Variants in PHF21A observed in about 807,000 individuals in gnomAD.
PHF21A encodes PHD finger protein 21A.
Under a neutral mutation model 82.5 loss-of-function variants are expected in PHF21A, and 11 were observed. The observed-to-expected ratio is 0.13, with a 90% CI of 0.08 to 0.22. The LOEUF (loss-of-function observed/expected upper bound fraction) is 0.22, where lower values mean the gene tolerates loss of function less well. Ranked by LOEUF, PHF21A falls within the 10% of genes least tolerant of loss-of-function variation. PHF21A has a pLI of 1.00. For synonymous variants in PHF21A, 297 were observed against 302.8 expected, an observed-to-expected ratio of 0.98 and a Z score of 0.20; for missense variants, 579 against 837.8, an observed-to-expected ratio of 0.69 and a Z score of 3.81.
chr11:46,048,927 A>G (rs2096300213), intron 6 of PHF21A, among the ~76,000 whole-genome samples: 1 of 152,192 alleles, frequency 6.6e-6, no homozygotes. Flanking sequence ...AGTGGCTGTA[A>G]CATTTTACAT....
At chr11:46,068,483 C>T (rs1274485328) in intron 6 of PHF21A, among the ~76,000 whole-genome samples, 1 of 152,100 alleles carries the variant, frequency 6.6e-6, no homozygotes, top group Non-Finnish European at 1.5e-5. Flanking sequence ...CTGCCTATCA[C>T]TCAAAAATTA....
intron 8 of PHF21A, 100 bp downstream of exon 8, chr11:45,971,016 A>C: frequency 2.2e-6 from 3 of 1,379,588 alleles, no homozygotes; most frequent in Non-Finnish European, 2.9e-6. Context: ...AGAATGATGG[A>C]AACTGAGAAA....
At chr11:46,111,965 G>A (rs1298889764) in intron 1 of PHF21A, among the ~76,000 whole-genome samples, 1 of 152,138 alleles carries the variant, frequency 6.6e-6, no homozygotes, top group Non-Finnish European at 1.5e-5. Flanking sequence ...GGGGCATTTT[G>A]CAGCATCTTA....
At chr11:46,038,171 G>A (rs1328559838) in intron 6 of PHF21A, among the ~76,000 whole-genome samples, 2 of 150,266 alleles carry the variant, frequency 1.3e-5, no homozygotes, top group African/African-American at 4.9e-5. Context: ...TTGTCACTCA[G>A]GCTGGAGTGC....
chr11:46,057,164 T>G (rs969784655), intron 6 of PHF21A, among the ~76,000 whole-genome samples: 2 of 152,220 alleles, frequency 1.3e-5, no homozygotes, highest in Admixed American at 1.3e-4. Flanking sequence ...CAGTTTTTAC[T>G]GGGTCATGTC....
intron 10 of PHF21A, among the ~76,000 whole-genome samples, chr11:45,955,677 TA>T (rs1377144707): frequency 6.6e-6 from 1 of 152,216 alleles, no homozygotes; most frequent in Non-Finnish European, 1.5e-5. Flanking sequence ...ATATAAATAA[TA>T]CCAAAAGGAT....
intron 1 of PHF21A, among the ~76,000 whole-genome samples, chr11:46,109,129 G>C (rs1164738368): frequency 6.6e-6 from 1 of 152,154 alleles, no homozygotes; most frequent in African/African-American, 2.4e-5. Flanking sequence ...ACATAGTTTA[G>C]TATAGCATTT....
At chr11:46,010,049 C>G (rs1254750913) in intron 6 of PHF21A, among the ~76,000 whole-genome samples, 10 of 152,166 alleles carry the variant, frequency 6.6e-5, no homozygotes, top group Non-Finnish European at 1.5e-4. Flanking sequence ...GAGGAACATT[C>G]ATTTAGTTGC....
At chr11:45,957,751 C>CAAAAAAAAAAAAAAAAAAAAAAAAAAA in intron 10 of PHF21A, among the ~76,000 whole-genome samples, 6 of 60,884 alleles carry the variant, frequency 9.9e-5, no homozygotes, top group African/African-American at 2.4e-4. Context: ...AAATTCAAAG[C>CAAAAAAAAAAAAAAAAAAAAAAAAAAA]AAAAAAAAAA....
intron 6 of PHF21A, among the ~76,000 whole-genome samples, chr11:46,059,468 C>T (rs959116309): frequency 2.6e-5 from 4 of 152,106 alleles, no homozygotes; most frequent in Non-Finnish European, 5.9e-5. Context: ...CACTGTCGCC[C>T]AGATGGGAGT....
chr11:46,005,048 C>A (rs549814207), intron 6 of PHF21A, among the ~76,000 whole-genome samples: 1 of 152,114 alleles, frequency 6.6e-6, no homozygotes, highest in Non-Finnish European at 1.5e-5. Context: ...CATGTATACA[C>A]CCAACTAATA....
intron 10 of PHF21A, among the ~76,000 whole-genome samples, chr11:45,963,311 T>C (rs1212718691): frequency 6.6e-6 from 1 of 151,546 alleles, no homozygotes; most frequent in African/African-American, 2.4e-5. Context: ...TCTCAGCTAC[T>C]TGGGAGGCTG....
In PHF21A at chr11:45,945,943, T is replaced by TG; in HGVS notation, c.1348dup (p.Gln450ProfsTer6). ...TTCAGGGGAGTCAGGATGACTGGAT[T>TG]GGGGGGATGTTGGGGTAAGGGCTCC... On this transcript the variant is annotated frameshift_variant, in exon 15 of 19. Transcript: ENST00000676320. LOFTEE classifies it high-confidence loss of function. 6.2e-7 allele frequency: 1 copy of TG among 1,613,390 alleles called. No homozygotes were observed. Among genetic ancestry groups the TG allele is most frequent in the Non-Finnish European group, 8.5e-7 (1 of 1,179,694 alleles).
intron 6 of PHF21A, among the ~76,000 whole-genome samples, chr11:45,995,758 A>G (rs944321245): frequency 6.6e-6 from 1 of 152,208 alleles, no homozygotes; most frequent in South Asian, 2.1e-4. Flanking sequence ...TTATTGGCAC[A>G]CATATTCAGC....
chr11:46,072,966 T>A (rs971959066), intron 6 of PHF21A, among the ~76,000 whole-genome samples: 5 of 152,120 alleles, frequency 3.3e-5, no homozygotes, highest in Admixed American at 2.6e-4. Context: ...CCATAAAAGA[T>A]CACATATGCC....
rs1377686091 is a variant in PHF21A, at chr11:45,935,846, C to T, written c.1685-107G>A. On this transcript the variant is annotated intron_variant, in intron 17 of 18. Coordinates refer to ENST00000676320, the MANE Select transcript of PHF21A (RefSeq NM_001352027.3). ...CAAAGAAGGTATTTTCCCCAGAGCT[C>T]CCATGAGTCCTACAACCCAGTGCAG... is the stretch of plus-strand genomic sequence containing the variant. 7.7e-6 allele frequency: 5 copies of T among 651,182 alleles called. No homozygotes were observed. The East Asian group carries it at 1.4e-4, about 18-fold the overall frequency. 40.3% of individuals were successfully genotyped at this position (651,182 alleles called of 1,614,324 possible).
At chr11:46,057,529 T>C (rs537396146) in intron 6 of PHF21A, among the ~76,000 whole-genome samples, 1 of 152,192 alleles carries the variant, frequency 6.6e-6, no homozygotes, top group Non-Finnish European at 1.5e-5. Context: ...CTGTACTTTC[T>C]GTTCTCCATG....
chr11:45,929,427 C>A lies in PHF21A; in HGVS notation c.*4541G>T. ...CCCCTCAAAACAAAAACCAAACAAACAAAAACAAAAACTTTGAAGCACAAA... is the reference window on the plus strand; with the variant it reads ...CCCCTCAAAACAAAAACCAAACAAAAAAAAACAAAAACTTTGAAGCACAAA... On this transcript the variant is annotated 3_prime_UTR_variant, in exon 19 of 19. Transcript: ENST00000676320. The A allele has an allele frequency of 6.5e-6, 1 of 153,264 alleles. No homozygotes were observed. Among genetic ancestry groups the A allele is most frequent in the African/African-American group, 2.4e-5 (1 of 41,104 alleles). The allele number at this position is 153,264 out of a possible 1,614,324, so 9.5% of individuals were successfully genotyped here. A position where few individuals can be genotyped will look rare whatever the true frequency, so the allele number is the denominator to read the frequency against.
At chr11:46,007,332 T>C (rs1396544308) in intron 6 of PHF21A, among the ~76,000 whole-genome samples, 5 of 151,882 alleles carry the variant, frequency 3.3e-5, no homozygotes, top group African/African-American at 9.7e-5. Flanking sequence ...TTTTTTTTTT[T>C]CGAGATGGAG....
Sources: allele counts gnomAD v4.1 joint callset (sites outside exome capture counted in the v4.1 genomes callset), GRCh38; gene constraint gnomAD v4.1.1; transcripts MANE v1.5; gene names NCBI Gene and HGNC (gene_info 2026-07-23, HGNC 2026-07-21).